The following ZNF319 variants were observed in gnomAD, a reference collection of about 807,000 sequenced individuals.
The protein encoded by ZNF319 is zinc finger protein 319.
Under a neutral mutation model 46.0 loss-of-function variants are expected in ZNF319, and 15 were observed. The observed-to-expected ratio is 0.33, with a 90% CI of 0.22 to 0.50. The LOEUF (loss-of-function observed/expected upper bound fraction) is 0.50, where lower values mean the gene tolerates loss of function less well. Among genes scored for constraint, ZNF319 ranks in the 20% least tolerant of loss-of-function variants. The pLI is 0.98. For synonymous variants in ZNF319, 368 were observed against 364.0 expected, an observed-to-expected ratio of 1.01 and a Z score of -0.13; for missense variants, 635 against 807.0, an observed-to-expected ratio of 0.79 and a Z score of 2.58.
Position 57,998,518 on chromosome 16 carries a change from C to T in ZNF319, c.-253G>A. On this transcript the variant is annotated 5_prime_UTR_variant, in exon 2 of 2. Coordinates refer to ENST00000299237, the MANE Select transcript of ZNF319 (RefSeq NM_020807.3). ...GGGAGACTCTGCCTTCCCCAGTGATCCGTTCTGTAGAGAAGAGAGAAAGTA... is the reference window on the plus strand; with the variant it reads ...GGGAGACTCTGCCTTCCCCAGTGATTCGTTCTGTAGAGAAGAGAGAAAGTA... 2.1e-6 allele frequency: 1 copy of T among 485,670 alleles called. No individual in the cohort carries two copies. Among genetic ancestry groups the T allele is most frequent in the Non-Finnish European group, 3.7e-6 (1 of 270,126 alleles). 30.1% of individuals were successfully genotyped at this position (485,670 alleles called of 1,614,324 possible).
chr16:57,997,669 G>A lies in ZNF319; in HGVS notation c.597C>T (p.Asp199=). Residue 199 remains aspartate (D), a synonymous_variant, in exon 2 of 2, where the codon GAC becomes GAT. Transcript: ENST00000299237. ...PSTVTPAEQA[D]KPYSCPICQK... is the part of the protein sequence containing the mutation. Reference sequence around the variant, plus strand: ...GGCAGATGGGGCAGCTGTAGGGCTTGTCGGCCTGTTCAGCAGGGGTGACAG... The same window carrying A: ...GGCAGATGGGGCAGCTGTAGGGCTTATCGGCCTGTTCAGCAGGGGTGACAG... The A allele has an allele frequency of 1.9e-6, 3 of 1,613,958 alleles. No individual in the cohort carries two copies. Among genetic ancestry groups the A allele is most frequent in the South Asian group, 1.1e-5 (1 of 91,088 alleles).
chr16:57,996,479 C>G lies in ZNF319; in HGVS notation c.*38G>C. On this transcript the variant is annotated 3_prime_UTR_variant, in exon 2 of 2. Transcript: ENST00000299237. ...GCGAGGCCTGCTGGGCCCACGGCGC[C>G]GACTCAGGTCAGGCTGGTAGGGGCC... 2.0e-6 allele frequency: 3 copies of G among 1,467,926 alleles called. No homozygotes were observed. The highest frequency in any genetic ancestry group is 2.7e-6 in the Non-Finnish European group (3 of 1,114,532). 90.9% of individuals were successfully genotyped at this position (1,467,926 alleles called of 1,614,324 possible).
chr16:57,999,017 G>A (rs890181941), intron 1 of ZNF319, among the ~76,000 whole-genome samples: 5 of 152,096 alleles, frequency 3.3e-5, no homozygotes, highest in African/African-American at 7.2e-5. Flanking sequence ...GGACAACTAC[G>A]TGGAACCAAG....
In ZNF319 at chr16:57,998,006, T is replaced by C. The variant is rs754556143; in HGVS notation, c.260A>G (p.His87Arg). 5.6e-6 allele frequency: 9 copies of C among 1,612,774 alleles called. No individual in the cohort carries two copies. In the African/African-American group the frequency reaches 1.2e-4, roughly 22 times the overall value. Residue 87 changes from histidine to arginine, a missense_variant, in exon 2 of 2, where the codon CAC (histidine) becomes CGC (arginine). His to Arg is a conservative substitution (Grantham distance 29, BLOSUM62 0). Coordinates refer to ENST00000299237, the MANE Select transcript of ZNF319 (RefSeq NM_020807.3). ...CTGGTGCTCATGCGGACTGGACAGG[T>C]GCGCCAGGTCGTGACCACACACGCC... ...KCGVCGHDLA[H>R]LSSPHEHQCL...
rs755911490 is a variant in ZNF319 at position 57,998,293 on chromosome 16, G to C, written c.-28C>G. 6.6e-7 allele frequency: 1 copy of C among 1,514,114 alleles called. No homozygotes were observed. The allele number at this position is 1,514,114 out of a possible 1,614,324, so 93.8% of individuals were successfully genotyped here. A position where few individuals can be genotyped will look rare whatever the true frequency, so the allele number is the denominator to read the frequency against. The stretch of plus-strand genomic sequence containing the variant: ...TTGGGAAGATGAAACAGGGTTTGGA[G>C]AGTAATGGCTTCAGTTTCCCGCTTC... On this transcript the variant is annotated 5_prime_UTR_variant, in exon 2 of 2. Transcript: ENST00000299237.
In ZNF319 at chr16:57,999,879, C is replaced by T. The variant is rs1249804565; in HGVS notation, c.-644G>A. 1 of 152,708 alleles carries T rather than the reference C, an allele frequency of 6.5e-6. No individual in the cohort carries two copies. The highest frequency in any genetic ancestry group is 1.5e-5 in the Non-Finnish European group (1 of 68,406). The allele number at this position is 152,708 out of a possible 1,614,324, so 9.5% of individuals were successfully genotyped here. A position where few individuals can be genotyped will look rare whatever the true frequency, so the allele number is the denominator to read the frequency against. ...CTGTGCCAACCCACTGTTTTGTTTG[C>T]TTTTTCTGGCATGAATGGCTGTCAG... On this transcript the variant is annotated 5_prime_UTR_variant, in exon 1 of 2. Transcript: ENST00000299237.
Position 57,997,528 on chromosome 16 carries a change from C to T in ZNF319, c.738G>A (p.Val246=). Residue 246 remains valine (V), a synonymous_variant, in exon 2 of 2, where the codon GTG becomes GTA. Coordinates refer to ENST00000299237, the MANE Select transcript of ZNF319 (RefSeq NM_020807.3). ...CGGAGCTGTGCGTGCGCTTGTGGTGCACCAGGTGCGACGACTGGCTGAAGC... is the reference window on the plus strand; with the variant it reads ...CGGAGCTGTGCGTGCGCTTGTGGTGTACCAGGTGCGACGACTGGCTGAAGC... ...DKSFSQSSHL[V]HHKRTHSSER... The T allele has an allele frequency of 6.2e-7, 1 of 1,613,648 alleles. No individual in the cohort carries two copies. Among genetic ancestry groups the T allele is most frequent in the Non-Finnish European group, 8.5e-7 (1 of 1,179,650 alleles).
In ZNF319 at chr16:57,996,649, C is replaced by T; in HGVS notation, c.1617G>A (p.Glu539=). 1 of 1,612,648 alleles carries T rather than the reference C, an allele frequency of 6.2e-7. No homozygotes were observed. The highest frequency in any genetic ancestry group is 8.5e-7 in the Non-Finnish European group (1 of 1,179,996). The change falls in exon 2 of 2, where the codon GAG becomes GAA. Residue 539 remains glutamate (E), a synonymous_variant. Transcript: ENST00000299237. The part of the protein sequence containing the change: ...LNKHQGVHAR[E]QQFKCVWCGE... ...CGCACCATACACACTTGAACTGCTG[C>T]TCGCGGGCGTGCACGCCCTGGTGCT...
chr16:57,996,398 G>A lies in ZNF319; in HGVS notation c.*119C>T. The A allele has an allele frequency of 7.0e-7, 1 of 1,430,840 alleles. No homozygotes were observed. The highest frequency in any genetic ancestry group is 2.6e-4 in the Middle Eastern group (1 of 3,894). The allele number at this position is 1,430,840 out of a possible 1,614,324, so 88.6% of individuals were successfully genotyped here. On this transcript the variant is annotated 3_prime_UTR_variant, in exon 2 of 2. Coordinates refer to ENST00000299237, the MANE Select transcript of ZNF319 (RefSeq NM_020807.3). ...CTGCGTCCTCACTCCCGAGGTCTCA[G>A]AACACCGAGCTGGGTGGGGCCCTTG...
chr16:57,996,859 G>T lies in ZNF319; in HGVS notation c.1407C>A (p.Ser469=), dbSNP rs147857328. 22 of 1,604,254 alleles carry T rather than the reference G, an allele frequency of 1.4e-5. No individual in the cohort carries two copies. Among genetic ancestry groups the T allele is most frequent in the Non-Finnish European group, 1.9e-5 (22 of 1,178,346 alleles). ...RCTLCERRFF[S]SSEFVQHRCD... The stretch of plus-strand genomic sequence containing the variant: ...AGCGGTGCTGCACGAACTCGGAAGA[G>T]GAGAAGAAGCGGCGTTCGCAAAGCG... The change falls in exon 2 of 2, where the codon TCC becomes TCA. Residue 469 remains serine (S), a synonymous_variant. Coordinates refer to ENST00000299237, the MANE Select transcript of ZNF319 (RefSeq NM_020807.3).
At position 58,000,453 on chromosome 16, in the gene ZNF319, C is replaced by A. The variant is rs1476475157; in HGVS notation, c.-1218G>T. On this transcript the variant is annotated 5_prime_UTR_variant, in exon 1 of 2. Transcript: ENST00000299237. This position sits in a 1 kb window ranked among gnomAD's most constrained non-coding sequence, Gnocchi z 4.5. ...GCGGGGCGAGCGGCGACCAGCTGCT[C>A]TCTCGGCCGCCCCTTTATTCCGGCT... 6.7e-6 allele frequency: 1 copy of A among 150,110 alleles called. No homozygotes were observed. Among genetic ancestry groups the A allele is most frequent in the South Asian group, 2.1e-4 (1 of 4,828 alleles). 9.3% of individuals were successfully genotyped at this position (150,110 alleles called of 1,614,324 possible).
In ZNF319 at chr16:57,998,314, G is replaced by A. The variant is rs1043221863; in HGVS notation, c.-49C>T. 5.3e-6 allele frequency: 8 copies of A among 1,510,932 alleles called. No homozygotes were observed. Among genetic ancestry groups the A allele is most frequent in the African/African-American group, 4.2e-5 (3 of 71,626 alleles). The allele number at this position is 1,510,932 out of a possible 1,614,324, so 93.6% of individuals were successfully genotyped here. A position where few individuals can be genotyped will look rare whatever the true frequency, so the allele number is the denominator to read the frequency against. ...TGGAGAGTAATGGCTTCAGTTTCCC[G>A]CTTCACGTGACCCAATCCAGAGAGA... On this transcript the variant is annotated 5_prime_UTR_variant, in exon 2 of 2. Transcript: ENST00000299237.
intron 1 of ZNF319, among the ~76,000 whole-genome samples, 189 bp downstream of exon 1, chr16:57,999,304 C>T (rs939731277): frequency 6.6e-6 from 1 of 151,854 alleles, no homozygotes; most frequent in African/African-American, 2.4e-5. Context: ...CTCATAGTGT[C>T]AAGGCCTGCA....
chr16:57,997,629 G>A lies in ZNF319; in HGVS notation c.637C>T (p.His213Tyr). ...SCPICQKPFK[H>Y]LSELSRHERI... ...TCATGCCGAGAGAGCTCCGACAGGT[G>A]CTTGAAGGGCTTTTGGCAGATGGGG... Residue 213 changes from histidine to tyrosine, a missense_variant, in exon 2 of 2, where the codon CAC becomes TAC. This residue lies in a region of ZNF319 where 227 missense variants were observed against 277.5 expected (regional missense o/e 0.82). Transcript: ENST00000299237. The A allele has an allele frequency of 6.2e-7, 1 of 1,614,148 alleles. No individual in the cohort carries two copies. Among genetic ancestry groups the A allele is most frequent in the Non-Finnish European group, 8.5e-7 (1 of 1,180,046 alleles).
Position 57,996,936 on chromosome 16 carries a change from G to T in ZNF319, c.1330C>A (p.Gln444Lys), listed in dbSNP as rs1313726890. The change falls in exon 2 of 2, where the codon CAG becomes AAG. Residue 444 changes from glutamine to lysine, a missense_variant. Around this residue, in one of 3 missense-constraint regions of ZNF319, gnomAD observed 270 missense variants for 281.4 expected, o/e 0.96. Transcript: ENST00000299237. The stretch of plus-strand genomic sequence containing the variant: ...GCACAGTGGGCCAGCTGGTGCTTCT[G>T]CAGGGCCGACGCGCGCTTGTAGGCC... The part of the protein sequence containing the change: ...NKAYKRASAL[Q>K]KHQLAHCAAA... 2 of 1,601,382 alleles carry T rather than the reference G, an allele frequency of 1.2e-6. No individual in the cohort carries two copies. Among genetic ancestry groups the T allele is most frequent in the East Asian group, 4.5e-5 (2 of 44,832 alleles).
rs749416428 is a variant in ZNF319, at chr16:57,997,957, T to C, written c.309A>G (p.Ser103=). ...EHQCLAGHDR[S]FQCTQCLKIF... ...TCTTGAGACACTGTGTGCACTGGAA[T>C]GAGCGGTCATGGCCCGCCAGACACT... The change falls in exon 2 of 2, where the codon TCA becomes TCG. Residue 103 remains serine (S), a synonymous_variant. Coordinates refer to ENST00000299237, the MANE Select transcript of ZNF319 (RefSeq NM_020807.3). 88 of 1,613,416 alleles carry C rather than the reference T, an allele frequency of 5.5e-5. No individual in the cohort carries two copies. Among genetic ancestry groups the C allele is most frequent in the Non-Finnish European group, 6.1e-5 (72 of 1,180,038 alleles).
At chr16:57,998,583 T>G in intron 1 of ZNF319, 61 bp from the exon 2 acceptor site, 1 of 283,244 alleles carries the variant, frequency 3.5e-6, no homozygotes, top group Non-Finnish European at 7.0e-6. Context: ...TCCTGGGCCT[T>G]CTCCCTGTCC....
Position 57,998,445 on chromosome 16 carries a change from T to G in ZNF319, c.-180A>C. 4.1e-6 allele frequency: 4 copies of G among 984,450 alleles called. No individual in the cohort carries two copies. The highest frequency in any genetic ancestry group is 3.1e-5 in the Admixed American group (1 of 32,008). The allele number at this position is 984,450 out of a possible 1,614,324, so 61.0% of individuals were successfully genotyped here. ...ACCAAGCGGACAGACTACAAGGCTC[T>G]GCCTACAGGACATGGGGGCTCTTCA... On this transcript the variant is annotated 5_prime_UTR_variant, in exon 2 of 2. Coordinates refer to ENST00000299237, the MANE Select transcript of ZNF319 (RefSeq NM_020807.3).
intron 1 of ZNF319, among the ~76,000 whole-genome samples, chr16:57,998,878 T>A (rs1414605105): frequency 6.6e-6 from 1 of 152,096 alleles, no homozygotes; most frequent in Non-Finnish European, 1.5e-5. Context: ...GAATCCTCCT[T>A]AAGGCCCGCA....
Sources: allele counts gnomAD v4.1 joint callset (sites outside exome capture counted in the v4.1 genomes callset), GRCh38; gene constraint gnomAD v4.1.1; regional missense constraint gnomAD v4.1.1; non-coding constraint Gnocchi (gnomAD v3.1); transcripts MANE v1.5; gene names NCBI Gene and HGNC (gene_info 2026-07-23, HGNC 2026-07-21).